Variants in HTR4 observed in about 807,000 individuals in gnomAD.
The protein encoded by HTR4 is 5-hydroxytryptamine receptor 4.
Under a neutral mutation model 36.8 loss-of-function variants are expected in HTR4, and 16 were observed. That is an observed-to-expected ratio of 0.43 (90% CI 0.29 to 0.66). The LOEUF is 0.66. HTR4 is among the 30% of genes least tolerant of loss of function. HTR4 has a pLI of 0.13. For synonymous variants in HTR4, 189 were observed against 185.1 expected, an observed-to-expected ratio of 1.02 and a Z score of -0.17; for missense variants, 438 against 490.9, an observed-to-expected ratio of 0.89 and a Z score of 1.02.
chr5:148,617,679 G>A (rs1420124636), intron 2 of HTR4, among the ~76,000 whole-genome samples: 1 of 151,980 alleles, frequency 6.6e-6, no homozygotes, highest in Admixed American at 6.6e-5. Context: ...ATGTTGGCCA[G>A]GCTGGTCTCA....
At chr5:148,516,049 A>G (rs949733321) in intron 5 of HTR4, among the ~76,000 whole-genome samples, 2 of 150,644 alleles carry the variant, frequency 1.3e-5, no homozygotes, top group African/African-American at 4.9e-5. Context: ...GATATGATAC[A>G]TATATATACA....
At chr5:148,557,374 T>A (rs1375057576) in intron 2 of HTR4, among the ~76,000 whole-genome samples, 1 of 152,150 alleles carries the variant, frequency 6.6e-6, no homozygotes, top group Non-Finnish European at 1.5e-5. Context: ...TATTTTAGAA[T>A]TGCATATCTG....
chr5:148,640,774 G>A (rs1753706679), intron 1 of HTR4, among the ~76,000 whole-genome samples: 1 of 152,154 alleles, frequency 6.6e-6, no homozygotes, highest in East Asian at 1.9e-4. Context: ...TTAAAAGGAA[G>A]AAAAGCTGGG....
chr5:148,521,592 A>C (rs1364343511), intron 5 of HTR4, among the ~76,000 whole-genome samples: 1 of 151,914 alleles, frequency 6.6e-6, no homozygotes, highest in Non-Finnish European at 1.5e-5. Flanking sequence ...GTTACTGGTA[A>C]ACATCCATAA....
chr5:148,493,878 A>G (rs1419857481), intron 6 of HTR4, among the ~76,000 whole-genome samples: 16 of 152,230 alleles, frequency 1.1e-4, no homozygotes, highest in Non-Finnish European at 5.9e-5. Flanking sequence ...GCTCAAAACA[A>G]TGAGGTAAAC....
intron 2 of HTR4, among the ~76,000 whole-genome samples, chr5:148,580,649 C>T (rs910902754): frequency 1.3e-5 from 2 of 152,102 alleles, no homozygotes; most frequent in African/African-American, 2.4e-5. Flanking sequence ...CGACTTATGT[C>T]GCTTAACATA....
chr5:148,579,576 C>CTGGA (rs1761057608), intron 2 of HTR4, among the ~76,000 whole-genome samples: 1 of 152,064 alleles, frequency 6.6e-6, no homozygotes, highest in Non-Finnish European at 1.5e-5. Flanking sequence ...GGCATGGTGA[C>CTGGA]TGGATTCTCT....
rs184022657 is a variant in HTR4, at chr5:148,501,211, C to T, written c.1076+8245G>A. Among the ~76,000 whole-genome samples the T allele has an allele frequency of 3.9e-5, 6 of 152,024 alleles. No homozygotes were observed. The East Asian group carries it at 1.2e-3, about 29-fold the overall frequency. On this transcript the variant is annotated intron_variant, in intron 6 of 6. Coordinates refer to ENST00000377888, the MANE Select transcript of HTR4 (RefSeq NM_000870.7). ...GCTATATTTTCCCCAGTGAAAAGAT[C>T]TTCAAAATGTATTGTTAAAGGATAA...
Position 148,638,561 on chromosome 5 carries a change from C to T in HTR4, c.-47-1500G>A, listed in dbSNP as rs146480439. 8.5e-5 allele frequency among the ~76,000 whole-genome samples: 13 copies of T among 152,208 alleles called. No individual in the cohort carries two copies. The East Asian group carries it at 2.3e-3, about 27-fold the overall frequency. Reference sequence around the variant, plus strand: ...GACTTTCCCAGGTGTAGACAGTGCCCATCCAGCATCTCAAGATGGATGATT... The same window carrying T: ...GACTTTCCCAGGTGTAGACAGTGCCTATCCAGCATCTCAAGATGGATGATT... On this transcript the variant is annotated intron_variant, in intron 1 of 6. Coordinates refer to ENST00000377888, the MANE Select transcript of HTR4 (RefSeq NM_000870.7).
rs1246636312 is a variant in HTR4, at chr5:148,545,572, G to C, written c.353+3096C>G. On this transcript the variant is annotated intron_variant, in intron 4 of 6. Transcript: ENST00000377888. ...AAATGGTTTTGATGGAGTCAGCGAAGACTTCTGCAAAGAAGAGAAGATTTA... is the reference window on the plus strand; with the variant it reads ...AAATGGTTTTGATGGAGTCAGCGAACACTTCTGCAAAGAAGAGAAGATTTA... Among the ~76,000 whole-genome samples, 4 of 152,212 alleles carry C rather than the reference G, an allele frequency of 2.6e-5. No homozygotes were observed. The East Asian group carries it at 7.7e-4, about 29-fold the overall frequency.
At chr5:148,560,966 T>C (rs1013922929) in intron 2 of HTR4, among the ~76,000 whole-genome samples, 2 of 152,164 alleles carry the variant, frequency 1.3e-5, no homozygotes. Context: ...GTGCTGGCTA[T>C]AGAAAATGGT....
chr5:148,464,034 CA>C (rs34212190), intron 5 of HTR4, among the ~76,000 whole-genome samples: 6,001 of 99,610 alleles, frequency 0.06, 315 homozygotes, highest in African/African-American at 0.2. Flanking sequence ...CATTGACATG[CA>C]AAAAAAAAAA....
chr5:148,637,936 G>A (rs1208568186), intron 1 of HTR4, among the ~76,000 whole-genome samples: 1 of 152,146 alleles, frequency 6.6e-6, no homozygotes, highest in Non-Finnish European at 1.5e-5. Flanking sequence ...TCAGTAAAGA[G>A]AAGAGATTGG....
intron 6 of HTR4, among the ~76,000 whole-genome samples, chr5:148,485,569 A>G (rs754680337): frequency 6.6e-6 from 1 of 152,206 alleles, no homozygotes; most frequent in Non-Finnish European, 1.5e-5. Flanking sequence ...TTATTGCAAC[A>G]CAATATGACT....
chr5:148,458,066 C>A (rs61601804), intron 5 of HTR4, among the ~76,000 whole-genome samples: 20 of 89,234 alleles, frequency 2.2e-4, no homozygotes, highest in South Asian at 1.1e-3. Flanking sequence ...ATTTTAAGAT[C>A]TATTTAATAG....
chr5:148,635,103 T>C (rs935318996), intron 2 of HTR4, among the ~76,000 whole-genome samples: 16 of 152,154 alleles, frequency 1.1e-4, no homozygotes, highest in Admixed American at 2.0e-4. Context: ...ATTAATCATA[T>C]AAGGAAATAT....
downstream of HTR4, among the ~76,000 whole-genome samples, chr5:148,478,528 T>C (rs975670446): frequency 2.6e-5 from 4 of 152,114 alleles, no homozygotes; most frequent in South Asian, 4.1e-4. Context: ...AAATAGTTCA[T>C]GGCAGTATTA....
At chr5:148,553,200 G>T (rs1413317085) in intron 2 of HTR4, among the ~76,000 whole-genome samples, 2 of 151,912 alleles carry the variant, frequency 1.3e-5, no homozygotes, top group African/African-American at 4.9e-5. Context: ...TCAGCTGATA[G>T]TACAGTCCAT....
intron 5 of HTR4, chr5:148,465,943 AAAC>A (rs752805406): frequency 1.2e-6 from 2 of 1,612,214 alleles, no homozygotes; most frequent in South Asian, 2.2e-5. Flanking sequence ...TTGAAACAGA[AAAC>A]AGCCACAGAT....
Sources: allele counts gnomAD v4.1 joint callset (sites outside exome capture counted in the v4.1 genomes callset), GRCh38; gene constraint gnomAD v4.1.1; transcripts MANE v1.5; gene names NCBI Gene and HGNC (gene_info 2026-07-23, HGNC 2026-07-21).